The following CDC25A variants were observed in gnomAD, a reference collection of about 807,000 sequenced individuals.
CDC25A encodes M-phase inducer phosphatase 1.
A neutral mutation model predicts 64.6 loss-of-function variants in CDC25A; 17 were observed. The ratio of observed to expected loss-of-function variants is 0.26; its 90% CI spans 0.18 to 0.39. The LOEUF (loss-of-function observed/expected upper bound fraction) is 0.39. Ranked by LOEUF, CDC25A falls within the 10% of genes least tolerant of loss-of-function variation. CDC25A has a pLI of 1.00. For synonymous variants in CDC25A, 229 were observed against 238.6 expected (o/e 0.96, Z 0.37); for missense variants, 473 against 654.8 (o/e 0.72, Z 3.03).
At chr3:48,180,610 T>A in intron 6 of CDC25A, 111 bp downstream of exon 6, 2 of 1,119,390 alleles carry the variant, frequency 1.8e-6, no homozygotes, top group Non-Finnish European at 2.5e-6. Context: ...AAAGACAAAG[T>A]CAAGGTAAAA....
At chr3:48,163,714 C>G (rs1559956407) in intron 13 of CDC25A, among the ~76,000 whole-genome samples, 1 of 152,190 alleles carries the variant, frequency 6.6e-6, no homozygotes, top group African/African-American at 2.4e-5. Context: ...CTTGGACCAT[C>G]CTAGTTAAGC....
Position 48,165,516 on chromosome 3 carries a change from T to A in CDC25A, c.1191+120A>T. On this transcript the variant is annotated intron_variant, in intron 12 of 14. Coordinates refer to ENST00000302506, the MANE Select transcript of CDC25A (RefSeq NM_001789.3). ...CAAATGCCTTCCACACTCACTGTAT[T>A]GTTTCAAAATTCTAACAACTAGCAT... 6 of 673,252 alleles carry A rather than the reference T, an allele frequency of 8.9e-6. 2 individuals carry two copies. The South Asian group carries it at 1.1e-4, about 12-fold the overall frequency. 41.7% of individuals were successfully genotyped at this position (673,252 alleles called of 1,614,324 possible). A position where few individuals can be genotyped will look rare whatever the true frequency, so the allele number is the denominator to read the frequency against.
chr3:48,177,836 C>A lies in CDC25A; in HGVS notation c.684+18G>T. The stretch of plus-strand genomic sequence containing the variant: ...AATTAGTAGAACAAATAGGAACACA[C>A]ACACACACACACGGTACCTTCAGAT... On this transcript the variant is annotated intron_variant, in intron 7 of 14. Transcript: ENST00000302506. 1 of 1,591,576 alleles carries A rather than the reference C, an allele frequency of 6.3e-7. No homozygotes were observed.
rs772106009 is a variant in CDC25A, at chr3:48,184,700, G to A, written c.248-5C>T. On this transcript the variant is annotated splice_region_variant and splice_polypyrimidine_tract_variant and intron_variant, in intron 2 of 14. Transcript: ENST00000302506. Reference sequence around the variant, plus strand: ...CAGGAGAATCTAGACAGAAACCTATGGGGAAAAAAAAAACCTCTCAAGAAA... The same window carrying A: ...CAGGAGAATCTAGACAGAAACCTATAGGGAAAAAAAAAACCTCTCAAGAAA... The A allele has an allele frequency of 1.3e-6, 2 of 1,575,660 alleles. No individual in the cohort carries two copies. Among genetic ancestry groups the A allele is most frequent in the African/African-American group, 1.4e-5 (1 of 72,052 alleles).
chr3:48,171,053 G>A (rs991164520), intron 9 of CDC25A, among the ~76,000 whole-genome samples: 16 of 152,078 alleles, frequency 1.1e-4, no homozygotes, highest in African/African-American at 3.9e-4. Context: ...AAATAAAAAG[G>A]TCAATCTCTA....
chr3:48,180,221 T>G (rs2032612119), intron 6 of CDC25A: 1 of 152,502 alleles, frequency 6.6e-6, no homozygotes, highest in South Asian at 2.1e-4. Context: ...ACCTGGCCCA[T>G]AACTGTTCTT....
chr3:48,168,181 TAAA>T (rs33925813), intron 9 of CDC25A, among the ~76,000 whole-genome samples: 6 of 124,142 alleles, frequency 4.8e-5, no homozygotes, highest in Admixed American at 8.4e-5. Flanking sequence ...CTTCCTTCCT[TAAA>T]AAAAAAAAAA....
At chr3:48,164,208 T>C (rs1316574289) in intron 13 of CDC25A, 99 bp downstream of exon 13, 2 of 1,154,356 alleles carry the variant, frequency 1.7e-6, no homozygotes, top group South Asian at 1.8e-5. Context: ...GGTTGCTTGA[T>C]ATGCTAAAAT....
Position 48,165,812 on chromosome 3 carries a change from T to G in CDC25A, c.1092+19A>C. 6.2e-7 allele frequency: 1 copy of G among 1,603,176 alleles called. No homozygotes were observed. The highest frequency in any genetic ancestry group is 8.5e-7 in the Non-Finnish European group (1 of 1,170,030). The stretch of plus-strand genomic sequence containing the variant: ...TTCAAGTACCCGATGTGTGGTGGGT[T>G]TCAAAAGGATGGACTTACAATTTCT... On this transcript the variant is annotated intron_variant, in intron 11 of 14. Transcript: ENST00000302506.
At chr3:48,176,662 C>A (rs980671257) in intron 8 of CDC25A, among the ~76,000 whole-genome samples, 2 of 149,936 alleles carry the variant, frequency 1.3e-5, no homozygotes, top group Admixed American at 6.7e-5. Context: ...ACAAAACAAA[C>A]AAACAAAACA....
Position 48,158,925 on chromosome 3 carries a change from G to A in CDC25A, c.*20C>T. The A allele has an allele frequency of 6.2e-7, 1 of 1,613,514 alleles. No individual in the cohort carries two copies. The highest frequency in any genetic ancestry group is 1.3e-5 in the African/African-American group (1 of 75,014). ...GGGATGGAGGGAAGCTTGGGCTGCT[G>A]CTGGCTGGTCCTGCCGCCCTCAGAG... On this transcript the variant is annotated 3_prime_UTR_variant, in exon 15 of 15. Transcript: ENST00000302506.
At chr3:48,176,728 T>C (rs942363917) in intron 8 of CDC25A, among the ~76,000 whole-genome samples, 1 of 151,762 alleles carries the variant, frequency 6.6e-6, no homozygotes, top group Non-Finnish European at 1.5e-5. Context: ...CCCAGCACTT[T>C]GGGAGGTCGA....
At position 48,158,675 on chromosome 3, in the gene CDC25A, TCA is replaced by T; in HGVS notation, c.*268_*269del. On this transcript the variant is annotated 3_prime_UTR_variant, in exon 15 of 15. Coordinates refer to ENST00000302506, the MANE Select transcript of CDC25A (RefSeq NM_001789.3). Reference sequence around the variant, plus strand: ...CCCGGCTGGTTCATCCCACTGTGGCTCAGAGCAGCTTGACACGGTGCTCAGAA... The same window carrying T: ...CCCGGCTGGTTCATCCCACTGTGGCTGAGCAGCTTGACACGGTGCTCAGAA... 1 of 336,288 alleles carries T rather than the reference TCA, an allele frequency of 3.0e-6. No individual in the cohort carries two copies. Among genetic ancestry groups the T allele is most frequent in the Non-Finnish European group, 5.5e-6 (1 of 181,978 alleles). 20.8% of individuals were successfully genotyped at this position (336,288 alleles called of 1,614,324 possible). A position where few individuals can be genotyped will look rare whatever the true frequency, so the allele number is the denominator to read the frequency against.
intron 13 of CDC25A, among the ~76,000 whole-genome samples, chr3:48,162,209 A>C (rs1293671675): frequency 6.6e-6 from 1 of 151,972 alleles, no homozygotes; most frequent in African/African-American, 2.4e-5. Flanking sequence ...GTACATACAA[A>C]TGTGACAAAA....
Position 48,158,030 on chromosome 3 carries a change from C to T in CDC25A, c.*915G>A, listed in dbSNP as rs1453695343. ...ACCCCCCTTCCCTGGGAAACCTACA[C>T]TGCAACATTCCAGCACTGAGCCGGG... On this transcript the variant is annotated 3_prime_UTR_variant, in exon 15 of 15. Transcript: ENST00000302506. 1 of 151,266 alleles carries T rather than the reference C, an allele frequency of 6.6e-6. No homozygotes were observed. Among genetic ancestry groups the T allele is most frequent in the Non-Finnish European group, 1.5e-5 (1 of 67,818 alleles). 9.4% of individuals were successfully genotyped at this position (151,266 alleles called of 1,614,324 possible). A position where few individuals can be genotyped will look rare whatever the true frequency, so the allele number is the denominator to read the frequency against.
rs1290537630 is a variant in CDC25A, at chr3:48,186,962, G to A, written c.171-183C>T. ...ACCCAATTAGCACTTGGGCAAAGGA[G>A]AAAAAAGGAGTGGGTGGGCATGGCC... is the stretch of plus-strand genomic sequence containing the variant. On this transcript the variant is annotated intron_variant, in intron 1 of 14. Coordinates refer to ENST00000302506, the MANE Select transcript of CDC25A (RefSeq NM_001789.3). Among the ~76,000 whole-genome samples the A allele has an allele frequency of 2.6e-5, 4 of 152,186 alleles. No homozygotes were observed. In the South Asian group the frequency reaches 8.3e-4, roughly 32 times the overall value.
intron 1 of CDC25A, 70 bp downstream of exon 1, chr3:48,187,708 C>T: frequency 2.1e-6 from 3 of 1,432,474 alleles, no homozygotes; most frequent in Non-Finnish European, 2.8e-6. Context: ...GGTCCGTTTC[C>T]TGGCCTGATC....
intron 4 of CDC25A, among the ~76,000 whole-genome samples, chr3:48,183,414 G>C: frequency 6.6e-6 from 1 of 152,222 alleles, no homozygotes; most frequent in East Asian, 1.9e-4. Context: ...CTAAGGAAAG[G>C]CTGGGAATAG....
intron 12 of CDC25A, 93 bp downstream of exon 12, chr3:48,165,543 T>A: frequency 1.3e-6 from 1 of 795,480 alleles, no homozygotes; most frequent in Non-Finnish European, 2.1e-6. Flanking sequence ...AACTAGCATA[T>A]GAGCTAAGTG....
Sources: allele counts gnomAD v4.1 joint callset (sites outside exome capture counted in the v4.1 genomes callset), GRCh38; gene constraint gnomAD v4.1.1; transcripts MANE v1.5; gene names NCBI Gene and HGNC (gene_info 2026-07-23, HGNC 2026-07-21).